BTBD9: variants seen among roughly 807,000 people sequenced by gnomAD.
BTBD9 encodes the protein BTB/POZ domain-containing protein 9.
BTBD9 carries 49 observed loss-of-function variants against 64.3 expected under a neutral mutation model. The ratio of observed to expected loss-of-function variants is 0.76; its 90% CI spans 0.61 to 0.97. BTBD9 has a LOEUF of 0.97. Ranked by LOEUF, BTBD9 falls within the 50% of genes least tolerant of loss-of-function variation. The pLI is 0.00. For synonymous variants in BTBD9, 260 were observed against 274.7 expected (o/e 0.95, Z 0.53); for missense variants, 598 against 762.1 (o/e 0.78, Z 2.53).
intron 6 of BTBD9, among the ~76,000 whole-genome samples, chr6:38,393,176 G>A (rs917799662): frequency 6.6e-6 from 1 of 152,220 alleles, no homozygotes; most frequent in Non-Finnish European, 1.5e-5. Context: ...TTACAGGCGT[G>A]AGCCACTATG....
At chr6:38,223,789 C>T (rs1454429704) in intron 9 of BTBD9, among the ~76,000 whole-genome samples, 11 of 149,496 alleles carry the variant, frequency 7.4e-5, no homozygotes, top group South Asian at 4.2e-4. Flanking sequence ...TTTTTTTAAA[C>T]GAAAAATTGG....
intron 6 of BTBD9, among the ~76,000 whole-genome samples, chr6:38,545,931 G>T (rs1295511837): frequency 2.7e-5 from 4 of 146,810 alleles, no homozygotes; most frequent in Admixed American, 2.0e-4. Flanking sequence ...CAGACTATAG[G>T]AATGTGAGAA....
chr6:38,391,606 T>C (rs1766417568), intron 6 of BTBD9, among the ~76,000 whole-genome samples: 1 of 151,556 alleles, frequency 6.6e-6, no homozygotes, highest in Non-Finnish European at 1.5e-5. Flanking sequence ...AGAGTGGTTG[T>C]TTCTGAATAA....
intron 6 of BTBD9, among the ~76,000 whole-genome samples, chr6:38,513,728 A>C (rs1296593622): frequency 3.3e-5 from 5 of 152,144 alleles, no homozygotes; most frequent in African/African-American, 1.2e-4. Flanking sequence ...TAGACAAGCA[A>C]AAGTACCAAT....
chr6:38,605,760 G>C (rs2127506251), intron 1 of BTBD9, among the ~76,000 whole-genome samples: 1 of 152,314 alleles, frequency 6.6e-6, no homozygotes, highest in Admixed American at 6.5e-5. Context: ...CGAGGCGGCA[G>C]TGAGCCATGT....
intron 6 of BTBD9, among the ~76,000 whole-genome samples, chr6:38,546,431 C>T (rs1774557465): frequency 6.6e-6 from 1 of 152,080 alleles, no homozygotes; most frequent in African/African-American, 2.4e-5. Context: ...AATTGATATA[C>T]ATGGTGATTT....
chr6:38,517,427 G>A (rs1262535843), intron 6 of BTBD9, among the ~76,000 whole-genome samples: 1 of 152,026 alleles, frequency 6.6e-6, no homozygotes, highest in African/African-American at 2.4e-5. Flanking sequence ...CTCCTTCTCT[G>A]CCTCCCCCAC....
chr6:38,239,371 T>C (rs1763909339), intron 9 of BTBD9, among the ~76,000 whole-genome samples: 1 of 139,486 alleles, frequency 7.2e-6, no homozygotes. Context: ...ACCTGGGATG[T>C]GGAGGTTGCA....
intron 6 of BTBD9, among the ~76,000 whole-genome samples, chr6:38,402,585 A>G (rs903940478): frequency 2.0e-5 from 3 of 152,230 alleles, no homozygotes; most frequent in African/African-American, 7.2e-5. Flanking sequence ...CAAAGGGGAA[A>G]ATGTGCCTGG....
intron 6 of BTBD9, among the ~76,000 whole-genome samples, chr6:38,506,655 T>C (rs980659245): frequency 6.6e-6 from 1 of 152,196 alleles, no homozygotes; most frequent in African/African-American, 2.4e-5. Flanking sequence ...GCCAGTCTCT[T>C]TTCTCCACCT....
chr6:38,288,588 G>A, intron 7 of BTBD9, 127 bp from the exon 8 acceptor site: 1 of 759,074 alleles, frequency 1.3e-6, no homozygotes, highest in South Asian at 1.9e-5. Flanking sequence ...TAGAACATCT[G>A]GATTATCTTC....
At chr6:38,475,148 T>C (rs1269723328) in intron 6 of BTBD9, among the ~76,000 whole-genome samples, 1 of 152,192 alleles carries the variant, frequency 6.6e-6, no homozygotes, top group Non-Finnish European at 1.5e-5. Flanking sequence ...TGAAGTTCAA[T>C]TTTAAAAAGA....
chr6:38,298,682 C>A (rs541327330), intron 7 of BTBD9, among the ~76,000 whole-genome samples: 2 of 152,110 alleles, frequency 1.3e-5, no homozygotes, highest in East Asian at 3.9e-4. Flanking sequence ...CACACAAAAC[C>A]TTCCCAGCCT....
At chr6:38,507,559 T>C (rs538599932) in intron 6 of BTBD9, among the ~76,000 whole-genome samples, 27 of 152,342 alleles carry the variant, frequency 1.8e-4, no homozygotes, top group Admixed American at 1.5e-3. Context: ...CAAATGGAAA[T>C]GTCTTACTGA....
At chr6:38,580,561 G>C (rs1776239986) in intron 4 of BTBD9, 124 bp from the exon 5 acceptor site, 4 of 796,528 alleles carry the variant, frequency 5.0e-6, no homozygotes, top group Non-Finnish European at 7.9e-6. Context: ...GCATAGACAA[G>C]TTTATTGGAT....
intron 6 of BTBD9, among the ~76,000 whole-genome samples, chr6:38,522,286 A>C (rs917608662): frequency 6.6e-6 from 1 of 152,212 alleles, no homozygotes; most frequent in Admixed American, 6.5e-5. Context: ...CAAAAAAACA[A>C]AAAACCAACA....
intron 6 of BTBD9, among the ~76,000 whole-genome samples, chr6:38,434,759 T>C (rs1768631898): frequency 6.6e-6 from 1 of 152,000 alleles, no homozygotes; most frequent in Admixed American, 6.5e-5. Context: ...TGCAGGAAAT[T>C]TGTGATTATG....
intron 6 of BTBD9, among the ~76,000 whole-genome samples, chr6:38,493,347 C>A (rs779734658): frequency 6.6e-6 from 1 of 152,100 alleles, no homozygotes; most frequent in Non-Finnish European, 1.5e-5. Flanking sequence ...ACAGCAGGGG[C>A]TTTTAGTTTT....
At chr6:38,410,780 C>T (rs1264021217) in intron 6 of BTBD9, among the ~76,000 whole-genome samples, 1 of 152,016 alleles carries the variant, frequency 6.6e-6, no homozygotes, top group Admixed American at 6.5e-5. Flanking sequence ...ATAATCCCAA[C>T]ACTTTGGGAG....
Sources: gnomAD v4.1 joint callset for allele counts (sites outside exome capture counted in the v4.1 genomes callset) on GRCh38, gnomAD v4.1.1 for gene constraint, MANE v1.5 for transcripts, NCBI Gene and HGNC (gene_info 2026-07-23, HGNC 2026-07-21) for gene names.